The following MSTO1 variants were observed in gnomAD, a reference collection of about 807,000 sequenced individuals.
The protein encoded by MSTO1 is protein misato homolog 1.
Under a neutral mutation model 55.7 loss-of-function variants are expected in MSTO1, and 24 were observed. That is an observed-to-expected ratio of 0.43 (90% CI 0.31 to 0.61). MSTO1 has a LOEUF of 0.61. Ranked by LOEUF, MSTO1 falls within the 20% of genes least tolerant of loss-of-function variation. MSTO1 has a pLI of 0.09. For missense variants in MSTO1, 363 were observed against 625.7 expected (o/e 0.58, Z 4.48); for synonymous variants, 162 against 252.8 (o/e 0.64, Z 3.41).
the MSTO1 span, among the ~76,000 whole-genome samples, chr1:155,589,472 G>T: frequency 6.6e-6 from 1 of 151,870 alleles, no homozygotes; most frequent in Non-Finnish European, 1.5e-5. Context: ...ATATATGAAG[G>T]AGAGTTTGTT....
At chr1:155,576,345 T>C in the MSTO1 span, among the ~76,000 whole-genome samples, 1 of 152,194 alleles carries the variant, frequency 6.6e-6, no homozygotes, top group East Asian at 1.9e-4. Flanking sequence ...TTGTTTTTGT[T>C]TTTTGAGACG....
At chr1:155,609,414 T>C (rs888662869), upstream of MSTO1, among the ~76,000 whole-genome samples, 2 of 149,918 alleles carry the variant, frequency 1.3e-5, no homozygotes, top group Non-Finnish European at 3.0e-5. Flanking sequence ...CCCAGCTAAT[T>C]TTTTTTTGTA....
chr1:155,568,084 A>ATTTTTTTTTTT, the MSTO1 span, among the ~76,000 whole-genome samples: 1 of 148,690 alleles, frequency 6.7e-6, no homozygotes, highest in African/African-American at 2.6e-5. Context: ...ATTTTATTTT[A>ATTTTTTTTTTT]TTTTATTTTT....
the MSTO1 span, among the ~76,000 whole-genome samples, chr1:155,576,547 G>C: frequency 6.6e-5 from 10 of 150,590 alleles, no homozygotes; most frequent in African/African-American, 2.4e-4. Flanking sequence ...TGATGGTCTC[G>C]ATATCTTGAC....
chr1:155,603,925 C>T, the MSTO1 span, among the ~76,000 whole-genome samples: 1 of 152,002 alleles, frequency 6.6e-6, no homozygotes, highest in Non-Finnish European at 1.5e-5. Context: ...TTTACATTCA[C>T]ATAATATATT....
chr1:155,609,413 T>A (rs572440641), upstream of MSTO1, among the ~76,000 whole-genome samples: 2 of 146,614 alleles, frequency 1.4e-5, no homozygotes, highest in Admixed American at 1.4e-4. Flanking sequence ...GCCCAGCTAA[T>A]TTTTTTTTGT....
chr1:155,609,904 G>C (rs1039975364), upstream of MSTO1: 8 of 319,638 alleles, frequency 2.5e-5, no homozygotes, highest in Non-Finnish European at 4.1e-5. Context: ...TGTGAGAAGG[G>C]ATAAGACCTC....
At chr1:155,595,934 G>A in the MSTO1 span, among the ~76,000 whole-genome samples, 1 of 152,188 alleles carries the variant, frequency 6.6e-6, no homozygotes, top group Non-Finnish European at 1.5e-5. Flanking sequence ...GCAGTATCTA[G>A]TGTTGCATTT....
At chr1:155,571,892 A>G in the MSTO1 span, among the ~76,000 whole-genome samples, 2 of 151,976 alleles carry the variant, frequency 1.3e-5, no homozygotes, top group Non-Finnish European at 2.9e-5. Flanking sequence ...AAATACAAAA[A>G]TTAGTCGGAT....
the MSTO1 span, among the ~76,000 whole-genome samples, chr1:155,583,891 AATACT>A: frequency 1.3e-5 from 2 of 152,114 alleles, no homozygotes; most frequent in African/African-American, 4.8e-5. Context: ...GGGCAGGTCA[AATACT>A]ATTGGAGTGA....
rs565781618 is a variant in MSTO1, at chr1:155,612,270, G to T, written c.767G>T (p.Arg256Leu). ...CTGCTACAAGATGAATATTCAGGGC[G>T]GGGAATAATAACCTGGGGCCTGCTA... ...AELLQDEYSG[R>L]GIITWGLLPG... Residue 256 changes from arginine to leucine, a missense_variant, in exon 8 of 14, where the codon CGG becomes CTG. Around this residue, in one of 3 missense-constraint regions of MSTO1, gnomAD observed 231 missense variants for 286.9 expected, o/e 0.81. Coordinates refer to ENST00000245564, the MANE Select transcript of MSTO1 (RefSeq NM_018116.4). The T allele has an allele frequency of 3.8e-6, 6 of 1,591,848 alleles. No individual in the cohort carries two copies. Among genetic ancestry groups the T allele is most frequent in the Non-Finnish European group, 5.1e-6 (6 of 1,168,038 alleles).
the MSTO1 span, among the ~76,000 whole-genome samples, chr1:155,594,979 A>T: frequency 6.6e-6 from 1 of 152,046 alleles, no homozygotes; most frequent in South Asian, 2.1e-4. Flanking sequence ...CCTACTAAAA[A>T]TATAAAAAAT....
the MSTO1 span, among the ~76,000 whole-genome samples, chr1:155,594,168 G>A: frequency 4.6e-5 from 7 of 152,102 alleles, no homozygotes; most frequent in African/African-American, 9.6e-5. Flanking sequence ...TTGGGAGACC[G>A]AGGCGGGTGG....
At chr1:155,581,086 A>C in the MSTO1 span, among the ~76,000 whole-genome samples, 45 of 152,258 alleles carry the variant, frequency 3.0e-4, no homozygotes, top group African/African-American at 1.1e-3. Context: ...AAGCTTCAAA[A>C]GACTAAGGCA....
the MSTO1 span, among the ~76,000 whole-genome samples, chr1:155,568,306 C>T: frequency 1.3e-5 from 2 of 151,852 alleles, no homozygotes; most frequent in African/African-American, 4.8e-5. Flanking sequence ...TCTTGAACTC[C>T]TGACCTTGTG....
chr1:155,612,534 C>G lies in MSTO1; in HGVS notation c.930C>G (p.Pro310=). The change falls in exon 9 of 14, where the codon CCC becomes CCG. Residue 310 remains proline (P), a synonymous_variant. Transcript: ENST00000245564. ...LSLGGSLGLR[P]EPPVSFPYLH... is the part of the protein sequence containing the mutation. ...TGGGTGGGAGCCTGGGCCTGCGACC[C>G]GAGCCACCTGTCAGCTTCCCTTACC... 6.2e-7 allele frequency: 1 copy of G among 1,613,090 alleles called. No individual in the cohort carries two copies.
the MSTO1 span, among the ~76,000 whole-genome samples, chr1:155,597,937 C>T: frequency 1.3e-5 from 2 of 151,920 alleles, no homozygotes; most frequent in Admixed American, 1.3e-4. Flanking sequence ...CTGCCTCAGT[C>T]TCCCCAGTAT....
the MSTO1 span, among the ~76,000 whole-genome samples, chr1:155,591,917 A>AAT: frequency 6.6e-6 from 1 of 152,196 alleles, no homozygotes; most frequent in Non-Finnish European, 1.5e-5. Flanking sequence ...TGTCCGGGGC[A>AAT]ATATAGCAAG....
chr1:155,568,568 A>G, the MSTO1 span, among the ~76,000 whole-genome samples: 13 of 151,846 alleles, frequency 8.6e-5, no homozygotes, highest in Non-Finnish European at 1.5e-4. Flanking sequence ...CCTCCTGAGT[A>G]GCTGGGATTA....
Sources: gnomAD v4.1 joint callset for allele counts (sites outside exome capture counted in the v4.1 genomes callset) on GRCh38, gnomAD v4.1.1 for gene constraint, gnomAD v4.1.1 regional missense constraint, MANE v1.5 for transcripts, NCBI Gene and HGNC (gene_info 2026-07-23, HGNC 2026-07-21) for gene names.